The following R3HDM2 variants were observed in gnomAD, a reference collection of about 807,000 sequenced individuals.
R3HDM2 encodes R3H domain containing 2, also known as R3H domain-containing protein 2.
In R3HDM2, 38 loss-of-function variants were observed where a neutral mutation model predicts 124.5. That is an observed-to-expected ratio of 0.31 (90% CI 0.24 to 0.40). The LOEUF (loss-of-function observed/expected upper bound fraction) is 0.40, where lower values mean the gene tolerates loss of function less well. R3HDM2 is among the 10% of genes least tolerant of loss of function. The pLI is 1.00. For synonymous variants in R3HDM2, 391 were observed against 448.0 expected (o/e 0.87, Z 1.61); for missense variants, 869 against 1,236.9 (o/e 0.70, Z 4.46).
chr12:57,318,834 C>A (rs2055748552), intron 2 of R3HDM2, among the ~76,000 whole-genome samples: 2 of 152,084 alleles, frequency 1.3e-5, no homozygotes, highest in South Asian at 2.1e-4. Flanking sequence ...CTATTATCAC[C>A]ATTTTACAGA....
At position 57,357,026 on chromosome 12, in the gene R3HDM2, C is replaced by T. The variant is rs561803415; in HGVS notation, c.-36+38723G>A. Among the ~76,000 whole-genome samples, 5 of 151,868 alleles carry T rather than the reference C, an allele frequency of 3.3e-5. No individual in the cohort carries two copies. In the South Asian group the frequency reaches 6.3e-4, roughly 19 times the overall value. The stretch of plus-strand genomic sequence containing the variant: ...GCTGAGGCAGGAGAATGGCGTGAAC[C>T]CGGGAGGCGGAGCTTGCAGTGAGCC... On this transcript the variant is annotated intron_variant, in intron 2 of 23. Transcript: ENST00000402412.
At chr12:57,325,848 TTTTC>T (rs1214300640) in intron 2 of R3HDM2, among the ~76,000 whole-genome samples, 2 of 149,506 alleles carry the variant, frequency 1.3e-5, no homozygotes, top group East Asian at 1.9e-4. Context: ...TGGTTTTTTC[TTTTC>T]TTTTTTTTTT....
chr12:57,385,464 G>A (rs374284644), intron 2 of R3HDM2, among the ~76,000 whole-genome samples: 2 of 151,762 alleles, frequency 1.3e-5, no homozygotes, highest in East Asian at 2.0e-4. Context: ...GAATGGTCTC[G>A]ATCTCCTGAC....
chr12:57,361,248 G>A (rs773109133), intron 2 of R3HDM2, among the ~76,000 whole-genome samples: 13 of 151,398 alleles, frequency 8.6e-5, no homozygotes, highest in Non-Finnish European at 1.5e-4. Context: ...GGTGGCACAT[G>A]CCTGTAATCC....
Position 57,296,425 on chromosome 12 carries a change from A to G in R3HDM2, c.687T>C (p.Thr229=). The change falls in exon 9 of 24, where the codon ACT becomes ACC. Residue 229 remains threonine, a synonymous_variant. Transcript: ENST00000402412. The surrounding 1 kb of genome is among the most constrained non-coding windows in gnomAD (Gnocchi z 4.5). ...QTGKAVIINK[T]SNTRIPEQRF... The stretch of plus-strand genomic sequence containing the variant: ...TCCTCCCTTACATTCTTGTGTTACT[A>G]GTTTTGTTGATGATGACAGCTTTCC... 1.3e-6 allele frequency: 2 copies of G among 1,552,222 alleles called. No homozygotes were observed. Among genetic ancestry groups the G allele is most frequent in the Non-Finnish European group, 8.7e-7 (1 of 1,147,098 alleles).
intron 2 of R3HDM2, 150 bp downstream of exon 2, chr12:57,395,599 A>G (rs1364731186): frequency 9.8e-6 from 2 of 204,428 alleles, no homozygotes; most frequent in African/African-American, 2.4e-5. Flanking sequence ...CTCTTGATGC[A>G]CTCTCTGCAT....
In R3HDM2 at chr12:57,423,981, G is replaced by A. The variant is rs533466973; in HGVS notation, c.-106+6739C>T. 2.0e-5 allele frequency among the ~76,000 whole-genome samples: 3 copies of A among 150,658 alleles called. No individual in the cohort carries two copies. The South Asian group carries it at 6.3e-4, about 32-fold the overall frequency. On this transcript the variant is annotated intron_variant, in intron 1 of 23. Transcript: ENST00000402412. Reference sequence around the variant, plus strand: ...AATACAAAATTAGCCAGGTGTGGTGGCACATGCCTGTAATCCCAGCTACTT... The same window carrying A: ...AATACAAAATTAGCCAGGTGTGGTGACACATGCCTGTAATCCCAGCTACTT...
chr12:57,385,597 C>T (rs2065617981), intron 2 of R3HDM2, among the ~76,000 whole-genome samples: 1 of 150,834 alleles, frequency 6.6e-6, no homozygotes, highest in Non-Finnish European at 1.5e-5. Flanking sequence ...CCCAGCTAGT[C>T]GGGAGGCTGA....
At chr12:57,302,248 T>G (rs1157590906) in intron 4 of R3HDM2, among the ~76,000 whole-genome samples, 1 of 151,710 alleles carries the variant, frequency 6.6e-6, no homozygotes, top group Non-Finnish European at 1.5e-5. Flanking sequence ...ACCACTGCAC[T>G]CCGGCTACAG....
chr12:57,364,573 CATCTCACTGTGTCCTCATATG>C (rs2062369943), intron 2 of R3HDM2, among the ~76,000 whole-genome samples: 1 of 152,132 alleles, frequency 6.6e-6, no homozygotes, highest in South Asian at 2.1e-4. Flanking sequence ...TCCAGATGGC[CATCTCACTGTGTCCTCATATG>C]ATCTTTGCTT....
chr12:57,264,157 G>A (rs567431249), intron 19 of R3HDM2, among the ~76,000 whole-genome samples: 1 of 151,086 alleles, frequency 6.6e-6, no homozygotes, highest in East Asian at 2.0e-4. Context: ...CAGGAGAATT[G>A]CTTGAACCTG....
intron 2 of R3HDM2, among the ~76,000 whole-genome samples, chr12:57,370,635 C>T (rs952024496): frequency 6.6e-6 from 1 of 152,006 alleles, no homozygotes; most frequent in Non-Finnish European, 1.5e-5. Flanking sequence ...AGCGAAACTC[C>T]ATCTCAAAAG....
chr12:57,302,206 G>A (rs565321378), intron 4 of R3HDM2, among the ~76,000 whole-genome samples: 6 of 149,332 alleles, frequency 4.0e-5, no homozygotes, highest in Admixed American at 6.7e-5. Flanking sequence ...ACTTGAACAC[G>A]GAAGGCAGAG....
At chr12:57,395,050 T>C (rs969792909) in intron 2 of R3HDM2, among the ~76,000 whole-genome samples, 5 of 146,404 alleles carry the variant, frequency 3.4e-5, no homozygotes, top group African/African-American at 1.3e-4. Context: ...CTACTAAAAA[T>C]ACAAAAAAAA....
At chr12:57,331,116 T>A (rs1405731431) in intron 2 of R3HDM2, among the ~76,000 whole-genome samples, 2 of 152,212 alleles carry the variant, frequency 1.3e-5, no homozygotes, top group African/African-American at 4.8e-5. Context: ...CATTCCACCA[T>A]CCTCTCTTGG....
In R3HDM2 at chr12:57,266,849, A is replaced by G. The variant is rs1741692258; in HGVS notation, c.2031-18T>C. On this transcript the variant is annotated intron_variant, in intron 18 of 23. Coordinates refer to ENST00000402412, the MANE Select transcript of R3HDM2 (RefSeq NM_001394031.1). ...CAGAAGGGCTGGGAAGACAGAGAAG[A>G]GAGGAGTGGTGAAGCAGTAGAGGGA... The G allele has an allele frequency of 6.5e-7, 1 of 1,531,528 alleles. No individual in the cohort carries two copies. The highest frequency in any genetic ancestry group is 9.0e-7 in the Non-Finnish European group (1 of 1,110,408). 94.9% of individuals were successfully genotyped at this position (1,531,528 alleles called of 1,614,324 possible).
At chr12:57,408,514 T>C (rs1288687573) in intron 1 of R3HDM2, among the ~76,000 whole-genome samples, 2 of 152,096 alleles carry the variant, frequency 1.3e-5, no homozygotes, top group African/African-American at 4.8e-5. Flanking sequence ...GCGGATTGCT[T>C]AAGCTCAGGA....
At chr12:57,373,133 T>G (rs2063573759) in intron 2 of R3HDM2, among the ~76,000 whole-genome samples, 1 of 152,124 alleles carries the variant, frequency 6.6e-6, no homozygotes, top group South Asian at 2.1e-4. Flanking sequence ...GCCAAGGAGT[T>G]TGAGGCTGCA....
chr12:57,404,898 A>C (rs1425607790), intron 1 of R3HDM2, among the ~76,000 whole-genome samples: 4 of 152,128 alleles, frequency 2.6e-5, no homozygotes, highest in East Asian at 1.9e-4. Context: ...TTAAAAAAAA[A>C]CAAGATATCT....
Sources: gnomAD v4.1 joint callset for allele counts (sites outside exome capture counted in the v4.1 genomes callset) on GRCh38, gnomAD v4.1.1 for gene constraint, Gnocchi (gnomAD v3.1) non-coding constraint, MANE v1.5 for transcripts, NCBI Gene and HGNC (gene_info 2026-07-23, HGNC 2026-07-21) for gene names.